The following CREB5 variants were observed in gnomAD, a reference collection of about 807,000 sequenced individuals.
The protein encoded by CREB5 is cAMP responsive element binding protein 5.
CREB5 carries 19 observed loss-of-function variants against 57.1 expected under a neutral mutation model. That is an observed-to-expected ratio of 0.33 (90% CI 0.23 to 0.49). The LOEUF (loss-of-function observed/expected upper bound fraction) is 0.49. Ranked by LOEUF, CREB5 falls within the 20% of genes least tolerant of loss-of-function variation. The pLI, the probability that CREB5 is intolerant of heterozygous loss-of-function variation, is 0.99. For missense variants in CREB5, 579 were observed against 671.6 expected, an observed-to-expected ratio of 0.86 and a Z score of 1.52; for synonymous variants, 238 against 238.3, an observed-to-expected ratio of 1.00 and a Z score of 0.01.
chr7:28,435,610 G>A, intron 1 of CREB5: 3 of 984,514 alleles, frequency 3.0e-6, no homozygotes, highest in Non-Finnish European at 3.6e-6. Flanking sequence ...TTTGCAAAAG[G>A]CAAGTTTTAG....
Position 28,665,554 on chromosome 7 carries a change from A to G in CREB5, c.465-53199A>G, listed in dbSNP as rs149803635. Among the ~76,000 whole-genome samples, 631 of 152,336 alleles carry G rather than the reference A, an allele frequency of 4.1e-3. 10 individuals are homozygous for G. Among genetic ancestry groups the G allele is most frequent in the African/African-American group, 0.015 (612 of 41,574 alleles). ...TGCCCTAGTTTAAATGAAACTTACAAGAATGTATTTAGGAACTTTATAAGA... is the reference window on the plus strand; with the variant it reads ...TGCCCTAGTTTAAATGAAACTTACAGGAATGTATTTAGGAACTTTATAAGA... On this transcript the variant is annotated intron_variant, in intron 5 of 10. Coordinates refer to ENST00000357727, the MANE Select transcript of CREB5 (RefSeq NM_182898.4).
chr7:28,429,223 A>G (rs957331239), intron 1 of CREB5, among the ~76,000 whole-genome samples: 4 of 151,922 alleles, frequency 2.6e-5, no homozygotes, highest in African/African-American at 9.7e-5. Context: ...ATGGGGTTTC[A>G]CCATGTTGGC....
chr7:28,550,943 G>A (rs902045139), intron 4 of CREB5, among the ~76,000 whole-genome samples: 1 of 152,174 alleles, frequency 6.6e-6, no homozygotes, highest in Admixed American at 6.5e-5. Flanking sequence ...GAAGGCTTCA[G>A]TTGATGCCAA....
At chr7:28,544,796 G>A (rs962351262) in intron 4 of CREB5, among the ~76,000 whole-genome samples, 3 of 152,172 alleles carry the variant, frequency 2.0e-5, no homozygotes, top group Non-Finnish European at 4.4e-5. Flanking sequence ...ACAGAGAAGG[G>A]AGCTGGAGAG....
intron 4 of CREB5, among the ~76,000 whole-genome samples, chr7:28,532,237 A>G (rs1793761681): frequency 6.6e-6 from 1 of 152,148 alleles, no homozygotes; most frequent in Non-Finnish European, 1.5e-5. Flanking sequence ...TCATCTTGGA[A>G]GCAGATCCTC....
At chr7:28,389,702 G>A (rs1787177550) in intron 1 of CREB5, among the ~76,000 whole-genome samples, 2 of 151,770 alleles carry the variant, frequency 1.3e-5, no homozygotes, top group Non-Finnish European at 1.5e-5. Context: ...TGATATTTGG[G>A]AGTTAAATTT....
chr7:28,805,632 C>T (rs1159720950), intron 8 of CREB5, among the ~76,000 whole-genome samples: 5 of 152,142 alleles, frequency 3.3e-5, no homozygotes, highest in Non-Finnish European at 5.9e-5. Context: ...AAGCAACTCT[C>T]GAAGCTATTC....
chr7:28,724,917 A>G (rs1366290598), intron 7 of CREB5, among the ~76,000 whole-genome samples: 1 of 152,242 alleles, frequency 6.6e-6, no homozygotes, highest in Non-Finnish European at 1.5e-5. Flanking sequence ...CAGTCTTTCC[A>G]ATCACAGATA....
intron 7 of CREB5, among the ~76,000 whole-genome samples, chr7:28,757,889 G>A (rs1408063668): frequency 6.6e-6 from 1 of 152,054 alleles, no homozygotes; most frequent in Non-Finnish European, 1.5e-5. Flanking sequence ...TGAGCATCGC[G>A]GTGATGCTCA....
chr7:28,803,743 A>G (rs1223786108), intron 7 of CREB5, among the ~76,000 whole-genome samples: 3 of 139,554 alleles, frequency 2.1e-5, no homozygotes, highest in Non-Finnish European at 3.0e-5. Context: ...GTGACAGAGC[A>G]AGACTCCATC....
At chr7:28,618,001 G>A (rs780449714) in intron 5 of CREB5, among the ~76,000 whole-genome samples, 5 of 152,142 alleles carry the variant, frequency 3.3e-5, no homozygotes, top group South Asian at 2.1e-4. Flanking sequence ...CTTTGAAAGC[G>A]CTGCATTAAA....
chr7:28,311,375 C>T (rs1283855484), intron 1 of CREB5, among the ~76,000 whole-genome samples: 1 of 152,132 alleles, frequency 6.6e-6, no homozygotes, highest in Admixed American at 6.5e-5. Context: ...TTAGCTGTTT[C>T]TGCATCATTA....
intron 4 of CREB5, among the ~76,000 whole-genome samples, chr7:28,525,769 G>A (rs947799154): frequency 2.6e-4 from 39 of 152,260 alleles, no homozygotes; most frequent in East Asian, 1.9e-3. Context: ...GTGTGTGTCT[G>A]TGTGTGTATG....
In CREB5 at chr7:28,754,348, T is replaced by C. The variant is rs145174868; in HGVS notation, c.702+30016T>C. On this transcript the variant is annotated intron_variant, in intron 7 of 10. Transcript: ENST00000357727. The stretch of plus-strand genomic sequence containing the variant: ...CTGTGTGTCATGAATAATTCAAGTG[T>C]TCCAAAGGAGAGCCAGAACTGCAAG... Among the ~76,000 whole-genome samples, 4 of 152,336 alleles carry C rather than the reference T, an allele frequency of 2.6e-5. No individual in the cohort carries two copies. The East Asian group carries it at 5.8e-4, about 22-fold the overall frequency.
At chr7:28,633,658 G>A (rs1798292296) in intron 5 of CREB5, among the ~76,000 whole-genome samples, 3 of 152,262 alleles carry the variant, frequency 2.0e-5, no homozygotes, top group South Asian at 4.2e-4. Flanking sequence ...TGGTTACTTT[G>A]TGTCTGAACA....
chr7:28,789,451 A>G (rs1258447736), intron 7 of CREB5, among the ~76,000 whole-genome samples: 4 of 152,114 alleles, frequency 2.6e-5, no homozygotes, highest in Non-Finnish European at 5.9e-5. Context: ...TAGTTTCAAA[A>G]TAGGTCTCCC....
upstream of CREB5, chr7:28,409,773 G>A (rs753645088): frequency 2.4e-6 from 1 of 425,328 alleles, no homozygotes; most frequent in Non-Finnish European, 4.7e-6. This position sits in a 1 kb window ranked among gnomAD's most constrained non-coding sequence, Gnocchi z 4.4. Context: ...CGCGCCGCGC[G>A]CCTGGAGGGA....
chr7:28,743,988 T>TATCC (rs1804548569), intron 7 of CREB5, among the ~76,000 whole-genome samples: 1 of 120,572 alleles, frequency 8.3e-6, no homozygotes, highest in East Asian at 2.5e-4. Flanking sequence ...CTCCCAATGC[T>TATCC]ATCCCTCCCC....
intron 4 of CREB5, among the ~76,000 whole-genome samples, chr7:28,560,961 C>T (rs62449922): frequency 4.2e-4 from 10 of 23,922 alleles, no homozygotes; most frequent in East Asian, 1.8e-3. Context: ...CGTGTGTGTG[C>T]GTGTGTGTGT....
Sources: gnomAD v4.1 joint callset for allele counts (sites outside exome capture counted in the v4.1 genomes callset) on GRCh38, gnomAD v4.1.1 for gene constraint, Gnocchi (gnomAD v3.1) non-coding constraint, MANE v1.5 for transcripts, NCBI Gene and HGNC (gene_info 2026-07-23, HGNC 2026-07-21) for gene names.